N4BP2: variants seen among roughly 807,000 people sequenced by gnomAD.
N4BP2 encodes the protein NEDD4-binding protein 2.
N4BP2 carries 91 observed loss-of-function variants against 152.8 expected under a neutral mutation model. That is an observed-to-expected ratio of 0.60 (90% CI 0.50 to 0.71). The LOEUF (loss-of-function observed/expected upper bound fraction) is 0.71, where lower values mean the gene tolerates loss of function less well. Ranked by LOEUF, N4BP2 falls within the 30% of genes least tolerant of loss-of-function variation. N4BP2 has a pLI of 0.00. For missense variants in N4BP2, 1,923 were observed against 2,059.1 expected, an observed-to-expected ratio of 0.93 and a Z score of 1.28; for synonymous variants, 646 against 705.3, an observed-to-expected ratio of 0.92 and a Z score of 1.33.
At chr4:40,160,058 G>T (rs1285136593), downstream of N4BP2, among the ~76,000 whole-genome samples, 1 of 151,978 alleles carries the variant, frequency 6.6e-6, no homozygotes, top group Non-Finnish European at 1.5e-5. Flanking sequence ...GATCTTAGGT[G>T]ATCCATCCGC....
chr4:40,169,198 C>T, the N4BP2 span, among the ~76,000 whole-genome samples: 2 of 151,640 alleles, frequency 1.3e-5, no homozygotes, highest in African/African-American at 4.8e-5. Flanking sequence ...GCCTGGCCAA[C>T]GTAGAGAAAC....
intron 4 of N4BP2, among the ~76,000 whole-genome samples, chr4:40,106,299 T>A (rs1242386590): frequency 1.3e-5 from 2 of 151,648 alleles, no homozygotes; most frequent in Non-Finnish European, 2.9e-5. Flanking sequence ...TATTACAATA[T>A]GTTCTTTTAT....
downstream of N4BP2, among the ~76,000 whole-genome samples, chr4:40,158,753 A>G (rs1403698911): frequency 6.6e-6 from 1 of 152,068 alleles, no homozygotes; most frequent in Non-Finnish European, 1.5e-5. Context: ...AGCCTGGGCA[A>G]CAGAGTGAGA....
intron 6 of N4BP2, among the ~76,000 whole-genome samples, 159 bp downstream of exon 6, chr4:40,112,331 C>A (rs2109981610): frequency 6.6e-6 from 1 of 152,228 alleles, no homozygotes; most frequent in South Asian, 2.1e-4. Flanking sequence ...GAAATTAGGC[C>A]ATTTAGCTGA....
chr4:40,065,331 A>C (rs1334909133), intron 1 of N4BP2, among the ~76,000 whole-genome samples: 1 of 152,214 alleles, frequency 6.6e-6, no homozygotes, highest in Non-Finnish European at 1.5e-5. Context: ...ATTCAAGTGG[A>C]TATGTCTGTC....
At position 40,100,446 on chromosome 4, in the gene N4BP2, C is replaced by CT. The variant is rs559404569; in HGVS notation, c.230-1628dup. 1.5e-3 allele frequency among the ~76,000 whole-genome samples: 216 copies of CT among 148,086 alleles called. 1 individual carries two copies. Among genetic ancestry groups the CT allele is most frequent in the Non-Finnish European group, 2.3e-3 (156 of 67,900 alleles). On this transcript the variant is annotated intron_variant, in intron 3 of 17. Transcript: ENST00000261435. Reference sequence around the variant, plus strand: ...GGCTGGAGCGCAGTAATCACTTTCACTAGAGGCTCACTGTAGCCTCGACCT... The same window carrying CT: ...GGCTGGAGCGCAGTAATCACTTTCACTTAGAGGCTCACTGTAGCCTCGACCT...
At chr4:40,064,722 T>C (rs749380044) in intron 1 of N4BP2, among the ~76,000 whole-genome samples, 4 of 152,138 alleles carry the variant, frequency 2.6e-5, no homozygotes, top group Non-Finnish European at 5.9e-5. Flanking sequence ...TGCTTTGAGA[T>C]AGTGGGAAAC....
At chr4:40,142,200 G>C (rs1377845565) in intron 14 of N4BP2, 3 of 239,540 alleles carry the variant, frequency 1.3e-5, no homozygotes, top group South Asian at 5.4e-5. Context: ...TTCAGCCTCT[G>C]CACTTATTCT....
intron 12 of N4BP2, among the ~76,000 whole-genome samples, chr4:40,127,918 C>A (rs1224794061): frequency 6.4e-4 from 98 of 152,266 alleles, no homozygotes; most frequent in African/African-American, 2.2e-3. Context: ...GCCTCGGCCT[C>A]CCAGAGTGCT....
chr4:40,152,974 A>G (rs3733298), intron 17 of N4BP2, 71 bp downstream of exon 17: 98,056 of 1,509,796 alleles, frequency 0.065, 7,394 homozygotes, highest in East Asian at 0.44. Context: ...TTCTGTGAGT[A>G]TAGATTTCTG....
In N4BP2 at chr4:40,099,730, A is replaced by T. The variant is rs534852530; in HGVS notation, c.229+2161A>T. On this transcript the variant is annotated intron_variant, in intron 3 of 17. Coordinates refer to ENST00000261435, the MANE Select transcript of N4BP2 (RefSeq NM_018177.6). ...GTTTTAATTTTTCCCAGCAATCTGT[A>T]TAAGGACTTTTTTTAATGTGATAAG... Among the ~76,000 whole-genome samples, 52 of 152,146 alleles carry T rather than the reference A, an allele frequency of 3.4e-4. 2 individuals carry two copies. Among genetic ancestry groups the T allele is most frequent in the Admixed American group, 2.8e-3 (43 of 15,274 alleles).
At chr4:40,131,733 T>C (rs1718921291) in intron 12 of N4BP2, 68 bp from the exon 13 acceptor site, 2 of 1,128,444 alleles carry the variant, frequency 1.8e-6, no homozygotes, top group East Asian at 4.7e-5. Context: ...AAGTTAACCA[T>C]GCCTTTGGTC....
chr4:40,129,057 T>G (rs1371245926), intron 12 of N4BP2, among the ~76,000 whole-genome samples: 1 of 152,098 alleles, frequency 6.6e-6, no homozygotes, highest in Admixed American at 6.6e-5. Context: ...TTTCTTTTTC[T>G]TTTCTTTTTT....
chr4:40,158,557 G>A (rs764955465), downstream of N4BP2, among the ~76,000 whole-genome samples: 11 of 152,078 alleles, frequency 7.2e-5, no homozygotes, highest in Non-Finnish European at 1.3e-4. Context: ...CAGCACTTTA[G>A]GAGGCTGAGA....
intron 13 of N4BP2, among the ~76,000 whole-genome samples, chr4:40,133,798 A>G (rs190117839): frequency 6.6e-6 from 1 of 151,996 alleles, no homozygotes; most frequent in Admixed American, 6.6e-5. Flanking sequence ...TAGTCAACAT[A>G]TACTTTTTTG....
At chr4:40,099,238 G>A (rs1485005013) in intron 3 of N4BP2, among the ~76,000 whole-genome samples, 1 of 152,026 alleles carries the variant, frequency 6.6e-6, no homozygotes, top group African/African-American at 2.4e-5. Flanking sequence ...GTGTGGTAGT[G>A]TTTTAAGATT....
intron 2 of N4BP2, among the ~76,000 whole-genome samples, chr4:40,079,947 A>G (rs1713185080): frequency 6.6e-6 from 1 of 152,134 alleles, no homozygotes; most frequent in Non-Finnish European, 1.5e-5. Context: ...AAATGCATAT[A>G]TTCATGGTAT....
At chr4:40,071,720 C>T (rs1712203656) in intron 1 of N4BP2, among the ~76,000 whole-genome samples, 1 of 151,840 alleles carries the variant, frequency 6.6e-6, no homozygotes, top group Non-Finnish European at 1.5e-5. Context: ...GCTCTCGCCA[C>T]CACGCCCAGC....
chr4:40,080,624 C>T (rs111889876), intron 2 of N4BP2, among the ~76,000 whole-genome samples: 2,283 of 140,780 alleles, frequency 0.016, 89 homozygotes, highest in Non-Finnish European at 0.015. Context: ...CGTGAACCAC[C>T]GTGCCTGGCC....
Sources: gnomAD v4.1 joint callset for allele counts (sites outside exome capture counted in the v4.1 genomes callset) on GRCh38, gnomAD v4.1.1 for gene constraint, MANE v1.5 for transcripts, NCBI Gene and HGNC (gene_info 2026-07-23, HGNC 2026-07-21) for gene names.